The following CDYL variants were observed in gnomAD, a reference collection of about 807,000 sequenced individuals.
The protein encoded by CDYL is chromodomain Y-like protein.
Under a neutral mutation model 47.3 loss-of-function variants are expected in CDYL, and 8 were observed. That is an observed-to-expected ratio of 0.17 (90% CI 0.10 to 0.31). The LOEUF (loss-of-function observed/expected upper bound fraction) is 0.31, where lower values mean the gene tolerates loss of function less well. CDYL is among the 10% of genes least tolerant of loss of function. The probability of loss-of-function intolerance (pLI) is 1.00; values close to 1 mark genes in which losing one functional copy is unlikely to be tolerated. For missense variants in CDYL, 471 were observed against 701.4 expected (o/e 0.67, Z 3.71); for synonymous variants, 266 against 265.0 (o/e 1.00, Z -0.04).
chr6:4,758,290 G>A (rs2127421938), intron 3 of CDYL, among the ~76,000 whole-genome samples: 1 of 150,928 alleles, frequency 6.6e-6, no homozygotes, highest in South Asian at 2.1e-4. Flanking sequence ...AGTGAGCTAA[G>A]ATTACGCCAC....
chr6:4,879,256 T>C (rs1761698906), intron 1 of CDYL, among the ~76,000 whole-genome samples: 1 of 152,204 alleles, frequency 6.6e-6, no homozygotes, highest in Non-Finnish European at 1.5e-5. Flanking sequence ...TATCAGTTAC[T>C]AAAAGAGGGA....
intron 1 of CDYL, chr6:4,714,791 G>A (rs923935011): frequency 6.6e-6 from 1 of 152,188 alleles, no homozygotes; most frequent in African/African-American, 2.4e-5. Flanking sequence ...CAAACTTGAG[G>A]ACTGACTACT....
intron 1 of CDYL, among the ~76,000 whole-genome samples, chr6:4,802,956 C>T (rs1193751400): frequency 6.6e-6 from 1 of 152,144 alleles, no homozygotes; most frequent in Admixed American, 6.5e-5. Context: ...TCTCCTTCCC[C>T]ATCCATCTGG....
intron 2 of CDYL, among the ~76,000 whole-genome samples, chr6:4,892,656 T>C (rs923931117): frequency 3.3e-5 from 5 of 152,166 alleles, no homozygotes; most frequent in African/African-American, 4.8e-5. Context: ...TATTAGGTGA[T>C]AAGTTTTTAC....
chr6:4,785,410 T>C (rs896541220), intron 1 of CDYL, among the ~76,000 whole-genome samples: 2 of 152,256 alleles, frequency 1.3e-5, no homozygotes, highest in Non-Finnish European at 2.9e-5. Context: ...CTCTCTGCTA[T>C]GTGAAGTTTT....
At chr6:4,905,072 A>G (rs759322569) in intron 2 of CDYL, among the ~76,000 whole-genome samples, 14 of 152,146 alleles carry the variant, frequency 9.2e-5, no homozygotes, top group Non-Finnish European at 1.8e-4. Flanking sequence ...CGTGATCTGA[A>G]CTGCTGAAGT....
At chr6:4,840,735 T>C (rs138574440) in intron 1 of CDYL, among the ~76,000 whole-genome samples, 71 of 152,322 alleles carry the variant, frequency 4.7e-4, no homozygotes, top group African/African-American at 1.7e-3. Flanking sequence ...TGCATCCTGA[T>C]ATGAAACCCA....
intron 2 of CDYL, among the ~76,000 whole-genome samples, chr6:4,907,873 G>A (rs988657803): frequency 4.6e-5 from 7 of 152,126 alleles, no homozygotes; most frequent in African/African-American, 1.7e-4. Context: ...TGTTCAGTTA[G>A]ATGCTCTCCC....
At chr6:4,854,374 A>G (rs1210766954) in intron 1 of CDYL, among the ~76,000 whole-genome samples, 1 of 152,132 alleles carries the variant, frequency 6.6e-6, no homozygotes, top group African/African-American at 2.4e-5. Context: ...CTAGTCATGT[A>G]TTTACCCCAT....
intron 2 of CDYL, among the ~76,000 whole-genome samples, chr6:4,918,225 A>C (rs1002997294): frequency 2.7e-5 from 3 of 109,510 alleles, no homozygotes; most frequent in African/African-American, 6.6e-5. Flanking sequence ...GATGTGATCA[A>C]TAATAAGATC....
At chr6:4,752,706 C>T (rs906962663) in intron 3 of CDYL, among the ~76,000 whole-genome samples, 3 of 152,176 alleles carry the variant, frequency 2.0e-5, no homozygotes, top group Admixed American at 2.0e-4. Context: ...AAGCCCACCC[C>T]TCCTTTTTTG....
At chr6:4,715,704 C>T (rs1217762761) in intron 1 of CDYL, 1 of 1,585,704 alleles carries the variant, frequency 6.3e-7, no homozygotes, top group Non-Finnish European at 8.6e-7. Context: ...TTCCCATGTA[C>T]TGTAGTAAAT....
At chr6:4,802,658 C>T (rs1282962935) in intron 1 of CDYL, among the ~76,000 whole-genome samples, 4 of 152,154 alleles carry the variant, frequency 2.6e-5, no homozygotes, top group Admixed American at 6.5e-5. Context: ...GTGAGTATAG[C>T]TTGTCTGTTT....
intron 1 of CDYL, among the ~76,000 whole-genome samples, chr6:4,779,548 AAAAAT>A (rs1405950454): frequency 6.6e-6 from 1 of 152,214 alleles, no homozygotes; most frequent in African/African-American, 2.4e-5. Flanking sequence ...TTTGTGAACA[AAAAAT>A]AAAGGAACAG....
intron 2 of CDYL, among the ~76,000 whole-genome samples, chr6:4,724,197 C>CACCCAGCTA (rs1351103228): frequency 6.6e-6 from 1 of 151,310 alleles, no homozygotes; most frequent in Non-Finnish European, 1.5e-5. Context: ...TGTGCCATCA[C>CACCCAGCTA]ACCCAGCTAA....
At chr6:4,835,072 G>A (rs993400511) in intron 1 of CDYL, among the ~76,000 whole-genome samples, 8 of 152,218 alleles carry the variant, frequency 5.3e-5, no homozygotes, top group Middle Eastern at 3.4e-3. Flanking sequence ...TTCTCAACTC[G>A]TCAAAGTCAT....
intron 1 of CDYL, among the ~76,000 whole-genome samples, chr6:4,848,948 T>C (rs1278598352): frequency 1.3e-5 from 2 of 152,238 alleles, no homozygotes; most frequent in Non-Finnish European, 2.9e-5. Context: ...ACTTGAGTCA[T>C]TTTTCTAAAC....
At chr6:4,748,659 A>ACAC (rs765868423) in intron 3 of CDYL, among the ~76,000 whole-genome samples, 6 of 150,774 alleles carry the variant, frequency 4.0e-5, no homozygotes, top group Non-Finnish European at 8.9e-5. Flanking sequence ...TGGCAAAGAC[A>ACAC]CACACACACA....
chr6:4,773,231 GTC>G (rs1340393858), upstream of CDYL: 2 of 456,882 alleles, frequency 4.4e-6, no homozygotes, highest in South Asian at 1.5e-5. The surrounding 1 kb of genome is among the most constrained non-coding windows in gnomAD (Gnocchi z 4.6). Flanking sequence ...TGTGTATATC[GTC>G]TCTCTTGTTG....
Sources: gnomAD v4.1 joint callset for allele counts (sites outside exome capture counted in the v4.1 genomes callset) on GRCh38, gnomAD v4.1.1 for gene constraint, Gnocchi (gnomAD v3.1) non-coding constraint, MANE v1.5 for transcripts, NCBI Gene and HGNC (gene_info 2026-07-23, HGNC 2026-07-21) for gene names.